PCDHA9: variants seen among roughly 807,000 people sequenced by gnomAD.
PCDHA9 encodes protocadherin alpha-9.
Under a neutral mutation model 62.0 loss-of-function variants are expected in PCDHA9, and 62 were observed. The ratio of observed to expected loss-of-function variants is 1.00; its 90% CI spans 0.81 to 1.23. The LOEUF (loss-of-function observed/expected upper bound fraction) is 1.23. Among genes scored for constraint, PCDHA9 ranks in the 50% most tolerant of loss-of-function variants. The pLI is 0.00. For synonymous variants in PCDHA9, 557 were observed against 567.6 expected (o/e 0.98, Z 0.27); for missense variants, 1,205 against 1,249.8 (o/e 0.96, Z 0.54).
intron 1 of PCDHA9, chr5:140,870,556 G>A (rs782048917): frequency 8.1e-6 from 13 of 1,614,038 alleles, no homozygotes; most frequent in Middle Eastern, 1.7e-4. Flanking sequence ...GGACGCGCAG[G>A]AGAACGCGCT....
At chr5:140,863,326 G>A (rs782427157) in intron 1 of PCDHA9, 10 of 1,432,588 alleles carry the variant, frequency 7.0e-6, no homozygotes, top group Non-Finnish European at 9.5e-6. Flanking sequence ...CAGCCTGTTA[G>A]TGCTCACGTT....
intron 1 of PCDHA9, among the ~76,000 whole-genome samples, chr5:140,897,748 C>G (rs565250286): frequency 6.6e-5 from 10 of 152,214 alleles, no homozygotes; most frequent in Non-Finnish European, 1.5e-4. Flanking sequence ...GTTCTAGATC[C>G]CTGAGGAATC....
intron 1 of PCDHA9, among the ~76,000 whole-genome samples, chr5:140,931,204 A>G (rs782790968): frequency 7.2e-5 from 11 of 152,176 alleles, no homozygotes; most frequent in Non-Finnish European, 1.5e-4. Context: ...CAATGCTAGT[A>G]TTTCAGGTAT....
At position 140,848,698 on chromosome 5, in the gene PCDHA9, CCAAAGG is replaced by C. The variant is rs2040558195; in HGVS notation, c.205_210del (p.Lys69_Gly70del). On this transcript the variant is annotated inframe_deletion, in exon 1 of 4. Coordinates refer to ENST00000532602, the MANE Select transcript of PCDHA9 (RefSeq NM_031857.2). Reference sequence around the variant, plus strand: ...GTGCCGCGCCTGTTCCAGTTGGATTCCAAAGGCCGCGGGGACCTTCTGGAGGTAAAT... The same window carrying C: ...GTGCCGCGCCTGTTCCAGTTGGATTCCCGCGGGGACCTTCTGGAGGTAAAT... 1 of 1,592,180 alleles carries C rather than the reference CCAAAGG, an allele frequency of 6.3e-7. No individual in the cohort carries two copies. Among genetic ancestry groups the C allele is most frequent in the African/African-American group, 1.3e-5 (1 of 74,242 alleles).
At chr5:140,919,127 T>A (rs2079016296) in intron 1 of PCDHA9, among the ~76,000 whole-genome samples, 1 of 152,192 alleles carries the variant, frequency 6.6e-6, no homozygotes, top group East Asian at 1.9e-4. Flanking sequence ...TTGCTTCATG[T>A]GTTTTGGGGC....
chr5:140,877,992 A>C, intron 1 of PCDHA9: 1 of 1,096,636 alleles, frequency 9.1e-7, no homozygotes, highest in South Asian at 2.1e-5. Context: ...TTGAACTTTT[A>C]TGTATTTGTC....
chr5:140,939,886 T>C (rs1165679302), intron 1 of PCDHA9, among the ~76,000 whole-genome samples: 1 of 152,242 alleles, frequency 6.6e-6, no homozygotes, highest in Non-Finnish European at 1.5e-5. Flanking sequence ...AGTTGTGTTG[T>C]TCAAATATTC....
At chr5:140,956,003 C>T (rs2153708657) in intron 1 of PCDHA9, among the ~76,000 whole-genome samples, 1 of 152,232 alleles carries the variant, frequency 6.6e-6, no homozygotes, top group East Asian at 1.9e-4. Flanking sequence ...ATTTTGTATC[C>T]TGAGACTTTG....
intron 1 of PCDHA9, chr5:140,857,784 T>A (rs782611887): frequency 6.3e-7 from 1 of 1,597,680 alleles, no homozygotes; most frequent in South Asian, 1.1e-5. Flanking sequence ...GTCAGTGAGC[T>A]GGTGCTGCGG....
At chr5:140,900,456 T>C (rs902615387) in intron 1 of PCDHA9, among the ~76,000 whole-genome samples, 3 of 152,210 alleles carry the variant, frequency 2.0e-5, no homozygotes, top group Non-Finnish European at 2.9e-5. Flanking sequence ...TTTTTATTTT[T>C]AGTAGACACG....
At chr5:140,910,451 G>A (rs2075030507) in intron 1 of PCDHA9, among the ~76,000 whole-genome samples, 1 of 152,190 alleles carries the variant, frequency 6.6e-6, no homozygotes. Flanking sequence ...GTAGTTGAGT[G>A]ACTGTGGTTC....
Position 140,849,740 on chromosome 5 carries a change from C to T in PCDHA9, c.1245C>T (p.Arg415=), listed in dbSNP as rs2150447488. 1 of 1,598,420 alleles carries T rather than the reference C, an allele frequency of 6.3e-7. No homozygotes were observed. Among genetic ancestry groups the T allele is most frequent in the East Asian group, 2.2e-5 (1 of 44,852 alleles). ...YSLVLDRALD[R]ESVSAYELVV... ...TGGTGCTGGACAGAGCTCTGGACCGCGAGAGTGTGTCCGCCTACGAGCTGG... is the reference window on the plus strand; with the variant it reads ...TGGTGCTGGACAGAGCTCTGGACCGTGAGAGTGTGTCCGCCTACGAGCTGG... Residue 415 remains arginine, a synonymous_variant, in exon 1 of 4, where the codon CGC becomes CGT. Coordinates refer to ENST00000532602, the MANE Select transcript of PCDHA9 (RefSeq NM_031857.2).
At chr5:140,982,230 C>G (rs943404054) in intron 2 of PCDHA9, 9 of 619,854 alleles carry the variant, frequency 1.5e-5, no homozygotes, top group Admixed American at 3.8e-5. Flanking sequence ...TAATAAAAAA[C>G]AGAATTGCCA....
intron 1 of PCDHA9, among the ~76,000 whole-genome samples, chr5:140,891,366 T>C (rs1261887556): frequency 6.6e-6 from 1 of 152,168 alleles, no homozygotes; most frequent in Non-Finnish European, 1.5e-5. Flanking sequence ...CTGAGCAGTA[T>C]ACATTGCACC....
intron 1 of PCDHA9, chr5:140,863,475 C>T: frequency 2.1e-6 from 1 of 481,584 alleles, no homozygotes; most frequent in South Asian, 1.6e-5. Flanking sequence ...TGGAGAGTCG[C>T]CTCCCAAGGT....
intron 1 of PCDHA9, chr5:140,966,883 T>A (rs155364): frequency 0.52 from 832,487 of 1,587,228 alleles, 220,297 homozygotes; most frequent in African/African-American, 0.71. Flanking sequence ...TACCTGGCCC[T>A]GCGGCCTCCC....
chr5:140,968,125 TAC>T, intron 1 of PCDHA9: 1 of 1,614,174 alleles, frequency 6.2e-7, no homozygotes, highest in Non-Finnish European at 8.5e-7. Context: ...CATCCCTGCG[TAC>T]ACTGAAGGTT....
intron 1 of PCDHA9, among the ~76,000 whole-genome samples, chr5:140,924,900 AAAAAATAAAAT>A (rs2082119593): frequency 1.6e-5 from 1 of 63,328 alleles, no homozygotes; most frequent in African/African-American, 5.4e-5. Context: ...GTCTCAAAAA[AAAAAATAAAAT>A]AAAATAAAAT....
At chr5:140,873,086 C>G (rs984385666) in intron 1 of PCDHA9, among the ~76,000 whole-genome samples, 1 of 152,122 alleles carries the variant, frequency 6.6e-6, no homozygotes, top group Non-Finnish European at 1.5e-5. Context: ...ATTTCCCCCC[C>G]GTATAGAGGC....
Sources: gnomAD v4.1 joint callset for allele counts (sites outside exome capture counted in the v4.1 genomes callset) on GRCh38, gnomAD v4.1.1 for gene constraint, MANE v1.5 for transcripts, NCBI Gene and HGNC (gene_info 2026-07-23, HGNC 2026-07-21) for gene names.